MYOF: variants seen among roughly 807,000 people sequenced by gnomAD.
MYOF encodes myoferlin, also known as fer-1-like 3, myoferlin.
MYOF carries 244 observed loss-of-function variants against 284.2 expected under a neutral mutation model. That is an observed-to-expected ratio of 0.86 (90% CI 0.77 to 0.95). The LOEUF (loss-of-function observed/expected upper bound fraction) is 0.95, where lower values mean the gene tolerates loss of function less well. Ranked by LOEUF, MYOF falls within the 40% of genes least tolerant of loss-of-function variation. The pLI, the probability that MYOF is intolerant of heterozygous loss-of-function variation, is 0.00. For synonymous variants in MYOF, 904 were observed against 919.7 expected, an observed-to-expected ratio of 0.98 and a Z score of 0.31; for missense variants, 2,496 against 2,560.6, an observed-to-expected ratio of 0.97 and a Z score of 0.54.
intron 48 of MYOF, among the ~76,000 whole-genome samples, chr10:93,320,970 G>A (rs918073579): frequency 3.3e-5 from 5 of 152,084 alleles, no homozygotes; most frequent in South Asian, 2.1e-4. Context: ...TGATATGTGC[G>A]CCCTTCACAT....
At chr10:93,401,793 G>A (rs867214970) in intron 11 of MYOF, among the ~76,000 whole-genome samples, 4 of 5,834 alleles carry the variant, frequency 6.9e-4, no homozygotes, top group Non-Finnish European at 8.6e-3. Flanking sequence ...GAGCCTGTGC[G>A]TGTGTGTGTG....
intron 2 of MYOF, among the ~76,000 whole-genome samples, chr10:93,455,928 A>T (rs1187586593): frequency 6.6e-6 from 1 of 152,206 alleles, no homozygotes; most frequent in East Asian, 1.9e-4. Flanking sequence ...ACAGAGAGAG[A>T]GTAGGAAAAT....
chr10:93,441,408 G>A (rs1046945895), intron 3 of MYOF, among the ~76,000 whole-genome samples: 18 of 150,682 alleles, frequency 1.2e-4, no homozygotes, highest in African/African-American at 3.4e-4. Flanking sequence ...TTTTGGAGAC[G>A]GAGTCTCACG....
chr10:93,407,946 TCC>T (rs764268908), intron 7 of MYOF, among the ~76,000 whole-genome samples: 28 of 148,622 alleles, frequency 1.9e-4, no homozygotes, highest in Non-Finnish European at 3.7e-4. Context: ...AGACATCATG[TCC>T]TCTCTCATAA....
intron 7 of MYOF, 79 bp from the exon 8 acceptor site, chr10:93,404,298 G>A (rs1359233121): frequency 5.4e-5 from 79 of 1,469,798 alleles, no homozygotes; most frequent in Admixed American, 1.3e-4. Flanking sequence ...AATTTTGGGG[G>A]CCCTCCTAAA....
chr10:93,325,686 A>C, intron 46 of MYOF, 140 bp downstream of exon 46: 1 of 1,142,720 alleles, frequency 8.8e-7, no homozygotes, highest in South Asian at 1.6e-5. Flanking sequence ...TTCCCTTTTG[A>C]TATGACGCTA....
chr10:93,390,947 A>C (rs983499093), intron 17 of MYOF, among the ~76,000 whole-genome samples: 8 of 152,192 alleles, frequency 5.3e-5, no homozygotes, highest in African/African-American at 1.9e-4. Context: ...ACTTGTCAAA[A>C]GTCCCACAAA....
intron 4 of MYOF, among the ~76,000 whole-genome samples, chr10:93,428,796 A>T (rs1424764525): frequency 6.6e-6 from 1 of 152,200 alleles, no homozygotes; most frequent in African/African-American, 2.4e-5. Flanking sequence ...CGCAGGGAGC[A>T]CTGAAGGGCT....
chr10:93,353,730 CA>C (rs1844641213), intron 32 of MYOF, 80 bp downstream of exon 32: 1 of 1,187,732 alleles, frequency 8.4e-7, no homozygotes, highest in Non-Finnish European at 1.2e-6. Flanking sequence ...TTAGAAATGA[CA>C]AAAAGCATTC....
intron 23 of MYOF, among the ~76,000 whole-genome samples, chr10:93,374,229 T>C (rs994854115): frequency 5.3e-5 from 8 of 152,328 alleles, no homozygotes; most frequent in Middle Eastern, 3.4e-3. Context: ...CCATGGTGTA[T>C]ATGTGCCACA....
At chr10:93,339,013 CTTT>C (rs59509598) in intron 39 of MYOF, among the ~76,000 whole-genome samples, 1 of 131,398 alleles carries the variant, frequency 7.6e-6, no homozygotes, top group African/African-American at 2.8e-5. Context: ...AAGGCTACCA[CTTT>C]TTTTTTTTTT....
chr10:93,330,765 C>T, intron 43 of MYOF, among the ~76,000 whole-genome samples: 1 of 152,200 alleles, frequency 6.6e-6, no homozygotes, highest in East Asian at 1.9e-4. Flanking sequence ...GAGGCCTCCT[C>T]TCTGCCTCCT....
chr10:93,352,505 C>G (rs1844571561), intron 32 of MYOF, among the ~76,000 whole-genome samples: 1 of 152,230 alleles, frequency 6.6e-6, no homozygotes, highest in African/African-American at 2.4e-5. Flanking sequence ...AAAACTTTGT[C>G]TCACTATACT....
chr10:93,316,565 C>T, intron 50 of MYOF, 149 bp downstream of exon 50: 3 of 685,134 alleles, frequency 4.4e-6, no homozygotes. Flanking sequence ...CAAGAGCTCA[C>T]ACAAGCACTG....
chr10:93,477,901 AC>A (rs1274761547), intron 1 of MYOF, among the ~76,000 whole-genome samples: 3 of 152,116 alleles, frequency 2.0e-5, no homozygotes, highest in African/African-American at 4.8e-5. Context: ...GACACGCACC[AC>A]AGGGACACCC....
chr10:93,465,883 G>C (rs1433317252), intron 1 of MYOF, among the ~76,000 whole-genome samples: 1 of 152,208 alleles, frequency 6.6e-6, no homozygotes, highest in Non-Finnish European at 1.5e-5. Context: ...AGGCTGTGGA[G>C]CTCCGGAGGG....
chr10:93,379,918 T>C lies in MYOF; in HGVS notation c.1946A>G (p.Asp649Gly), dbSNP rs1394812047. The change falls in exon 21 of 54, where the codon GAT (aspartate) becomes GGT (glycine). Residue 649 changes from aspartate to glycine, a missense_variant. By Grantham distance (94) the Asp-to-Gly change is moderately conservative. Transcript: ENST00000359263. ...CACCGCATCCAGGCGATGACTAATA[T>C]CCTCCCAGTATGAAGTCAGGGTAAC... ...PVVTLTSYWE[D>G]ISHRLDAVNT... 1 of 1,613,986 alleles carries C rather than the reference T, an allele frequency of 6.2e-7. No individual in the cohort carries two copies. Among genetic ancestry groups the C allele is most frequent in the Non-Finnish European group, 8.5e-7 (1 of 1,180,002 alleles).
At chr10:93,366,998 A>T (rs547957504) in intron 25 of MYOF, among the ~76,000 whole-genome samples, 2 of 152,322 alleles carry the variant, frequency 1.3e-5, no homozygotes, top group South Asian at 4.2e-4. Context: ...TACTGCTGAG[A>T]ACTTGGGGCA....
At chr10:93,470,228 C>CAAA (rs1284508641) in intron 1 of MYOF, among the ~76,000 whole-genome samples, 2,360 of 75,128 alleles carry the variant, frequency 0.031, 127 homozygotes, top group East Asian at 0.31. Flanking sequence ...GACTCCATCT[C>CAAA]AAAAAAAAAA....
Sources: allele counts gnomAD v4.1 joint callset (sites outside exome capture counted in the v4.1 genomes callset), GRCh38; gene constraint gnomAD v4.1.1; transcripts MANE v1.5; gene names NCBI Gene and HGNC (gene_info 2026-07-23, HGNC 2026-07-21).